Variants in PCDHGA5 observed in about 807,000 individuals in gnomAD.
The protein encoded by PCDHGA5 is protocadherin gamma subfamily A, 5.
In PCDHGA5, 36 loss-of-function variants were observed where a neutral mutation model predicts 56.7. The observed-to-expected ratio is 0.64, with a 90% CI of 0.49 to 0.84. The LOEUF (loss-of-function observed/expected upper bound fraction) is 0.84, where lower values mean the gene tolerates loss of function less well. PCDHGA5 is among the 40% of genes least tolerant of loss of function. PCDHGA5 has a pLI of 0.00. For synonymous variants in PCDHGA5, 563 were observed against 520.2 expected (o/e 1.08, Z -1.12); for missense variants, 1,305 against 1,201.5 (o/e 1.09, Z -1.27).
At chr5:141,368,172 A>G (rs1160663847) in intron 1 of PCDHGA5, among the ~76,000 whole-genome samples, 2 of 152,230 alleles carry the variant, frequency 1.3e-5, no homozygotes, top group African/African-American at 4.8e-5. Context: ...TCAGCTTCAA[A>G]TAATGACTAA....
chr5:141,414,310 G>C, intron 1 of PCDHGA5: 1 of 1,613,722 alleles, frequency 6.2e-7, no homozygotes, highest in Non-Finnish European at 8.5e-7. Context: ...GCATGATTTA[G>C]ACTCTGAGCA....
Position 141,364,428 on chromosome 5 carries a change from A to G in PCDHGA5, c.98A>G (p.Tyr33Cys), listed in dbSNP as rs1358594302. 6.2e-7 allele frequency: 1 copy of G among 1,613,750 alleles called. No individual in the cohort carries two copies. The highest frequency in any genetic ancestry group is 1.1e-5 in the South Asian group (1 of 91,074). The change falls in exon 1 of 4, where the codon TAC becomes TGC. Residue 33 changes from tyrosine (Y) to cysteine (C), a missense_variant. Coordinates refer to ENST00000518069, the MANE Select transcript of PCDHGA5 (RefSeq NM_018918.3). ...GAGCCAGGATCCGGGCAGATCCGCT[A>G]CTCGATGCCGGAGGAGCTGGACAAA... ...LCEPGSGQIR[Y>C]SMPEELDKGS... is the part of the protein sequence containing the mutation.
At chr5:141,427,858 C>T in intron 1 of PCDHGA5, 1 of 1,555,500 alleles carries the variant, frequency 6.4e-7, no homozygotes, top group South Asian at 1.1e-5. Context: ...CAGCTGTGCG[C>T]CTTCGAGCTC....
chr5:141,367,651 T>C (rs1205375044), intron 1 of PCDHGA5: 1 of 152,174 alleles, frequency 6.6e-6, no homozygotes, highest in Non-Finnish European at 1.5e-5. Context: ...TTAAGCCATG[T>C]AGTTATTGGA....
chr5:141,370,719 GTTGCTGA>G, intron 1 of PCDHGA5: 1 of 1,613,852 alleles, frequency 6.2e-7, no homozygotes. Flanking sequence ...ATTTGAAATG[GTTGCTGA>G]AAAGCCTTTA....
rs775966290 is a variant in PCDHGA5 at position 141,365,104 on chromosome 5, C to A, written c.774C>A (p.Gly258=). ...SVSVPENIPV[G]TRLLMLTATD... Reference sequence around the variant, plus strand: ...GTGTTCCAGAGAACATACCTGTGGGCACTCGGCTGCTCATGCTAACCGCCA... The same window carrying A: ...GTGTTCCAGAGAACATACCTGTGGGAACTCGGCTGCTCATGCTAACCGCCA... The change falls in exon 1 of 4, where the codon GGC becomes GGA. Residue 258 remains glycine, a synonymous_variant. Transcript: ENST00000518069. 1 of 1,613,874 alleles carries A rather than the reference C, an allele frequency of 6.2e-7. No individual in the cohort carries two copies. Among genetic ancestry groups the A allele is most frequent in the Non-Finnish European group, 8.5e-7 (1 of 1,179,868 alleles).
At chr5:141,389,816 G>T (rs1359127304) in intron 1 of PCDHGA5, 7 of 1,613,776 alleles carry the variant, frequency 4.3e-6, no homozygotes, top group Non-Finnish European at 5.9e-6. Context: ...TGGTCGCCGT[G>T]CGTGACGGTG....
chr5:141,423,154 C>A, intron 1 of PCDHGA5: 1 of 1,613,466 alleles, frequency 6.2e-7, no homozygotes, highest in South Asian at 1.1e-5. Flanking sequence ...CAAGCAGAGC[C>A]TCGTGGTGGC....
intron 1 of PCDHGA5, among the ~76,000 whole-genome samples, chr5:141,483,945 ATTGTG>A (rs2099589210): frequency 8.3e-6 from 1 of 120,394 alleles, no homozygotes; most frequent in Non-Finnish European, 1.6e-5. Context: ...TACGGTGTGA[ATTGTG>A]TTGTGTTTCT....
Position 141,485,244 on chromosome 5 carries a change from T to G in PCDHGA5, c.2422-9563T>G. 5 of 1,614,168 alleles carry G rather than the reference T, an allele frequency of 3.1e-6. No individual in the cohort carries two copies. Among genetic ancestry groups the G allele is most frequent in the Non-Finnish European group, 4.2e-6 (5 of 1,180,006 alleles). On this transcript the variant is annotated intron_variant, in intron 1 of 3. Transcript: ENST00000518069. This position sits in a 1 kb window ranked among gnomAD's most constrained non-coding sequence, Gnocchi z 5.7. Reference sequence around the variant, plus strand: ...ACCCTTTTGTTCCTCTTTTACCACCTGGGTTACGTTTGTGGGCAGATCCGC... The same window carrying G: ...ACCCTTTTGTTCCTCTTTTACCACCGGGGTTACGTTTGTGGGCAGATCCGC...
rs143737031 is a variant in PCDHGA5 at position 141,454,359 on chromosome 5, G to C, written c.2422-40448G>C. Among the ~76,000 whole-genome samples, 105 of 152,200 alleles carry C rather than the reference G, an allele frequency of 6.9e-4. No individual in the cohort carries two copies. In the East Asian group the frequency reaches 0.014, roughly 20 times the overall value. ...AATGTTGGAAGTTGATCCAAACTTA[G>C]AAAGGAGTATGGCAACTTGTCAAGA... On this transcript the variant is annotated intron_variant, in intron 1 of 3. Coordinates refer to ENST00000518069, the MANE Select transcript of PCDHGA5 (RefSeq NM_018918.3).
At chr5:141,376,807 C>T in intron 1 of PCDHGA5, 1 of 328,760 alleles carries the variant, frequency 3.0e-6, no homozygotes, top group Admixed American at 4.7e-5. Context: ...CTGCCTCAGC[C>T]TCCCTAGTAG....
At chr5:141,373,589 G>A (rs1769704620) in intron 1 of PCDHGA5, among the ~76,000 whole-genome samples, 2 of 152,242 alleles carry the variant, frequency 1.3e-5, no homozygotes, top group African/African-American at 2.4e-5. Flanking sequence ...GTGGTGAAAT[G>A]TGATGATAAT....
At chr5:141,372,616 C>T (rs1289157345) in intron 1 of PCDHGA5, 1 of 1,613,978 alleles carries the variant, frequency 6.2e-7, no homozygotes, top group African/African-American at 1.3e-5. Flanking sequence ...GGAGTTCTCC[C>T]CACCTACAGC....
intron 1 of PCDHGA5, chr5:141,384,968 C>T (rs1345751127): frequency 1.2e-6 from 2 of 1,613,962 alleles, no homozygotes; most frequent in East Asian, 2.2e-5. Context: ...TATGACCTCA[C>T]GTTGTACCTG....
chr5:141,478,623 GT>G (rs1337268572), intron 1 of PCDHGA5: 14 of 1,554,358 alleles, frequency 9.0e-6, no homozygotes, highest in African/African-American at 1.4e-5. Context: ...GAATGGAGCT[GT>G]TTTTTTAGTG....
chr5:141,511,031 A>G lies in PCDHGA5; in HGVS notation c.2654A>G (p.Gln885Arg). 6.2e-7 allele frequency: 1 copy of G among 1,614,244 alleles called. No individual in the cohort carries two copies. The highest frequency in any genetic ancestry group is 8.5e-7 in the Non-Finnish European group (1 of 1,180,034). ...SARYGPQFTL[Q>R]HVPDYRQNVY... Reference sequence around the variant, plus strand: ...CGCTACGGACCCCAGTTCACCCTGCAGCACGTGCCCGACTACCGCCAGAAT... The same window carrying G: ...CGCTACGGACCCCAGTTCACCCTGCGGCACGTGCCCGACTACCGCCAGAAT... The change falls in exon 4 of 4, where the codon CAG (glutamine) becomes CGG (arginine). Residue 885 changes from glutamine to arginine, a missense_variant. Gln to Arg is a conservative substitution (Grantham distance 43). Coordinates refer to ENST00000518069, the MANE Select transcript of PCDHGA5 (RefSeq NM_018918.3).
chr5:141,451,797 C>T (rs1207473455), intron 1 of PCDHGA5, among the ~76,000 whole-genome samples: 1 of 152,006 alleles, frequency 6.6e-6, no homozygotes, highest in African/African-American at 2.4e-5. Context: ...CAGAGAATTG[C>T]TTGAACCCAG....
intron 1 of PCDHGA5, chr5:141,390,863 T>C (rs1292623547): frequency 6.6e-6 from 1 of 150,928 alleles, no homozygotes. Flanking sequence ...GTACGCTGTG[T>C]GTGCGTGTGT....
Sources: allele counts gnomAD v4.1 joint callset (sites outside exome capture counted in the v4.1 genomes callset), GRCh38; gene constraint gnomAD v4.1.1; non-coding constraint Gnocchi (gnomAD v3.1); transcripts MANE v1.5; gene names NCBI Gene and HGNC (gene_info 2026-07-23, HGNC 2026-07-21).